The following DNAJC1 variants were observed in gnomAD, a reference collection of about 807,000 sequenced individuals.
DNAJC1 encodes the protein dnaJ homolog subfamily C member 1.
A neutral mutation model predicts 76.6 loss-of-function variants in DNAJC1; 58 were observed. The observed-to-expected ratio is 0.76, with a 90% CI of 0.61 to 0.94. The LOEUF is 0.94. Ranked by LOEUF, DNAJC1 falls within the 40% of genes least tolerant of loss-of-function variation. The pLI is 0.00. For synonymous variants in DNAJC1, 258 were observed against 267.9 expected, an observed-to-expected ratio of 0.96 and a Z score of 0.36; for missense variants, 689 against 677.3, an observed-to-expected ratio of 1.02 and a Z score of -0.19.
At chr10:21,827,564 C>G (rs1727363005) in intron 8 of DNAJC1, among the ~76,000 whole-genome samples, 1 of 152,210 alleles carries the variant, frequency 6.6e-6, no homozygotes, top group Non-Finnish European at 1.5e-5. Flanking sequence ...TCCTCGTCAG[C>G]AATCCTTGGT....
chr10:21,998,528 T>G lies in DNAJC1; in HGVS notation c.222+4685A>C, dbSNP rs553408764. On this transcript the variant is annotated intron_variant, in intron 1 of 11. Coordinates refer to ENST00000376980, the MANE Select transcript of DNAJC1 (RefSeq NM_022365.4). ...AATTTAAGATGGTAACGAAAGATCT[T>G]TCAATAGCACATCTTTTTTCCTACA... Among the ~76,000 whole-genome samples the G allele has an allele frequency of 2.5e-4, 38 of 152,232 alleles. 2 individuals are homozygous for G. The South Asian group carries it at 7.7e-3, about 31-fold the overall frequency.
rs774624814 is a variant in DNAJC1, at chr10:21,882,378, T to C, written c.882A>G (p.Thr294=). Residue 294 remains threonine (T), a synonymous_variant, in exon 8 of 12, where the codon ACA becomes ACG. Transcript: ENST00000376980. ...TTCCATGATCATAAGACTGAATATA[T>C]GTAGTTTCTAAAGGTGTGTATACAG... is the stretch of plus-strand genomic sequence containing the variant. ...EFPVYTPLET[T]YIQSYDHGTS... 1.3e-6 allele frequency: 2 copies of C among 1,597,792 alleles called. No homozygotes were observed. The highest frequency in any genetic ancestry group is 1.1e-5 in the South Asian group (1 of 87,208).
rs1838566233 is a variant in DNAJC1 at position 22,003,627 on chromosome 10, T to G, written c.-193A>C. The G allele has an allele frequency of 7.4e-6, 4 of 543,154 alleles. No homozygotes were observed. Among genetic ancestry groups the G allele is most frequent in the Non-Finnish European group, 8.3e-6 (3 of 360,550 alleles). The allele number at this position is 543,154 out of a possible 1,614,324, so 33.6% of individuals were successfully genotyped here. A position where few individuals can be genotyped will look rare whatever the true frequency, so the allele number is the denominator to read the frequency against. ...GGGAGCCGGCTGCCGGACGGGCGGGTGGGTAGGCGGGCGGGGCCGCAGCCA... is the reference window on the plus strand; with the variant it reads ...GGGAGCCGGCTGCCGGACGGGCGGGGGGGTAGGCGGGCGGGGCCGCAGCCA... On this transcript the variant is annotated 5_prime_UTR_variant, in exon 1 of 12. Coordinates refer to ENST00000376980, the MANE Select transcript of DNAJC1 (RefSeq NM_022365.4).
At chr10:21,848,031 TC>T (rs537029420) in intron 8 of DNAJC1, among the ~76,000 whole-genome samples, 2 of 152,278 alleles carry the variant, frequency 1.3e-5, no homozygotes, top group African/African-American at 4.8e-5. Context: ...TTGAAGAATG[TC>T]CATACTGTTT....
chr10:21,851,470 C>T (rs1033099670), intron 8 of DNAJC1, among the ~76,000 whole-genome samples: 1 of 152,018 alleles, frequency 6.6e-6, no homozygotes, highest in African/African-American at 2.4e-5. Context: ...ACAACCACAA[C>T]AAAAGTGAAA....
At chr10:21,894,200 G>A (rs1156888931) in intron 7 of DNAJC1, among the ~76,000 whole-genome samples, 1 of 152,026 alleles carries the variant, frequency 6.6e-6, no homozygotes, top group African/African-American at 2.4e-5. Context: ...AAATATTCAG[G>A]CTCAGATGAT....
At chr10:21,924,686 T>A (rs188192591) in intron 3 of DNAJC1, among the ~76,000 whole-genome samples, 27 of 152,322 alleles carry the variant, frequency 1.8e-4, no homozygotes, top group Non-Finnish European at 3.1e-4. Flanking sequence ...AAACCTGTTA[T>A]AGGCATGCTT....
chr10:21,886,181 C>G (rs904608347), intron 7 of DNAJC1, among the ~76,000 whole-genome samples: 3 of 151,900 alleles, frequency 2.0e-5, no homozygotes, highest in African/African-American at 7.3e-5. Flanking sequence ...TAAAAATAAC[C>G]AACAGAAACT....
At chr10:21,986,084 G>A (rs1240232384) in intron 1 of DNAJC1, among the ~76,000 whole-genome samples, 1 of 152,090 alleles carries the variant, frequency 6.6e-6, no homozygotes, top group Non-Finnish European at 1.5e-5. Flanking sequence ...AAAATTAGCC[G>A]GGTGTGGTGG....
chr10:21,952,867 G>A (rs1454978758), intron 1 of DNAJC1, among the ~76,000 whole-genome samples: 1 of 152,048 alleles, frequency 6.6e-6, no homozygotes, highest in African/African-American at 2.4e-5. Flanking sequence ...TCCTGAGAAG[G>A]CCAGCTGGGA....
At chr10:21,907,809 TG>T (rs1314877072) in intron 6 of DNAJC1, among the ~76,000 whole-genome samples, 1 of 150,340 alleles carries the variant, frequency 6.7e-6, no homozygotes, top group Non-Finnish European at 1.5e-5. Context: ...AAGCCCCATG[TG>T]TACTAAAAAT....
chr10:21,841,008 C>T (rs186866428), intron 8 of DNAJC1, among the ~76,000 whole-genome samples: 13 of 152,218 alleles, frequency 8.5e-5, no homozygotes, highest in Admixed American at 2.6e-4. Context: ...GGGGAAAGGA[C>T]TCCCTATTTA....
At chr10:21,840,453 C>A (rs1835556866) in intron 8 of DNAJC1, among the ~76,000 whole-genome samples, 1 of 152,080 alleles carries the variant, frequency 6.6e-6, no homozygotes, top group Non-Finnish European at 1.5e-5. Context: ...TCTTATACAC[C>A]AATAACAGAC....
chr10:21,779,885 T>G (rs12780931), intron 9 of DNAJC1, among the ~76,000 whole-genome samples: 2 of 152,130 alleles, frequency 1.3e-5, no homozygotes, highest in Admixed American at 1.3e-4. Context: ...ATAACCAGTG[T>G]AGAGAAGACC....
intron 10 of DNAJC1, among the ~76,000 whole-genome samples, chr10:21,760,636 G>T (rs529907329): frequency 6.6e-6 from 1 of 152,204 alleles, no homozygotes; most frequent in African/African-American, 2.4e-5. Flanking sequence ...AAACCACTTG[G>T]TGTAGTACTG....
At chr10:21,821,532 C>A (rs1312391615) in intron 8 of DNAJC1, among the ~76,000 whole-genome samples, 2 of 151,904 alleles carry the variant, frequency 1.3e-5, no homozygotes, top group African/African-American at 4.8e-5. Flanking sequence ...AATAGAAGAA[C>A]CCATGAGAAA....
intron 7 of DNAJC1, among the ~76,000 whole-genome samples, chr10:21,900,936 C>T (rs561076968): frequency 6.6e-6 from 1 of 152,230 alleles, no homozygotes; most frequent in East Asian, 1.9e-4. Context: ...CCTCATGAAC[C>T]TGAGTTTTCT....
intron 8 of DNAJC1, among the ~76,000 whole-genome samples, chr10:21,839,678 A>AG (rs1281176238): frequency 6.6e-6 from 1 of 152,204 alleles, no homozygotes; most frequent in Non-Finnish European, 1.5e-5. Context: ...AGGTACAAGG[A>AG]GGAGCTGGTA....
chr10:21,905,980 T>C (rs1564823166), intron 6 of DNAJC1, among the ~76,000 whole-genome samples: 2 of 152,138 alleles, frequency 1.3e-5, no homozygotes, highest in African/African-American at 4.8e-5. Flanking sequence ...AATACATAAA[T>C]ACTTAAACCC....
Sources: allele counts gnomAD v4.1 joint callset (sites outside exome capture counted in the v4.1 genomes callset), GRCh38; gene constraint gnomAD v4.1.1; transcripts MANE v1.5; gene names NCBI Gene and HGNC (gene_info 2026-07-23, HGNC 2026-07-21).